Variants in GABRR2 observed in about 807,000 individuals in gnomAD.
GABRR2 encodes gamma-aminobutyric acid type A receptor subunit rho2, also known as gamma-aminobutyric acid receptor subunit rho-2.
A neutral mutation model predicts 47.0 loss-of-function variants in GABRR2; 36 were observed. That is an observed-to-expected ratio of 0.77 (90% CI 0.59 to 1.01). GABRR2 has a LOEUF of 1.01. Among genes scored for constraint, GABRR2 ranks in the 50% least tolerant of loss-of-function variants. GABRR2 has a pLI of 0.00. For synonymous variants in GABRR2, 204 were observed against 227.5 expected (o/e 0.90, Z 0.93); for missense variants, 587 against 594.6 (o/e 0.99, Z 0.13).
Position 89,264,469 on chromosome 6 carries a change from C to CG in GABRR2, c.1028dup (p.Ala344GlyfsTer40). On this transcript the variant is annotated frameshift_variant, in exon 8 of 9. Transcript: ENST00000402938. LOFTEE classifies it high-confidence loss of function. ...GCACGGTGGTCAGGTAGTTGACAGC[C>CG]GCATACTCCAGCACCGAGAGGAACA... is the stretch of plus-strand genomic sequence containing the variant. 6.2e-7 allele frequency: 1 copy of CG among 1,613,950 alleles called. No individual in the cohort carries two copies. The highest frequency in any genetic ancestry group is 2.2e-5 in the East Asian group (1 of 44,862).
intron 1 of GABRR2, among the ~76,000 whole-genome samples, chr6:89,303,802 C>T (rs1034195458): frequency 3.3e-5 from 5 of 152,116 alleles, no homozygotes; most frequent in African/African-American, 1.2e-4. Flanking sequence ...AGAAATAAGG[C>T]TACACACCCA....
At chr6:89,277,330 G>T (rs1774179258) in intron 2 of GABRR2, among the ~76,000 whole-genome samples, 4 of 152,178 alleles carry the variant, frequency 2.6e-5, no homozygotes. Flanking sequence ...AAGCCGTGCT[G>T]AACTGTGAGT....
chr6:89,284,976 T>C (rs1005528283), intron 2 of GABRR2, among the ~76,000 whole-genome samples: 5 of 152,216 alleles, frequency 3.3e-5, no homozygotes, highest in African/African-American at 1.2e-4. Flanking sequence ...CAAAATTCCC[T>C]GTCCACAGCC....
At chr6:89,282,357 G>A (rs989015692) in intron 2 of GABRR2, among the ~76,000 whole-genome samples, 3 of 152,152 alleles carry the variant, frequency 2.0e-5, no homozygotes, top group Non-Finnish European at 4.4e-5. Flanking sequence ...CTGTTCATTA[G>A]GAATTCCTCT....
intron 2 of GABRR2, among the ~76,000 whole-genome samples, chr6:89,285,008 C>T (rs1486837286): frequency 1.3e-5 from 2 of 152,210 alleles, no homozygotes; most frequent in South Asian, 2.1e-4. Flanking sequence ...CACACAGCCC[C>T]GTATCCCTCT....
At chr6:89,302,521 C>A in intron 1 of GABRR2, 1 of 805,660 alleles carries the variant, frequency 1.2e-6, no homozygotes, top group Non-Finnish European at 2.0e-6. Flanking sequence ...CAATGCGGAC[C>A]TGCACAAGCT....
At chr6:89,300,820 G>GGT (rs1767411126) in intron 1 of GABRR2, among the ~76,000 whole-genome samples, 1 of 146,572 alleles carries the variant, frequency 6.8e-6, no homozygotes, top group South Asian at 2.2e-4. Context: ...ACAAAGAACT[G>GGT]GTACCATTCC....
chr6:89,306,615 C>T (rs1767563350), intron 1 of GABRR2, among the ~76,000 whole-genome samples: 1 of 152,232 alleles, frequency 6.6e-6, no homozygotes, highest in Non-Finnish European at 1.5e-5. Flanking sequence ...GCCCAGGACA[C>T]AGCCCTGGTC....
rs568789397 is a variant in GABRR2 at position 89,271,035 on chromosome 6, A to C, written c.288+620T>G. The stretch of plus-strand genomic sequence containing the variant: ...TTTAGCTAAGTCCTGAAGGATAAGA[A>C]GGAGATAGCTATGGGGAGGGCCAGA... On this transcript the variant is annotated intron_variant, in intron 3 of 8. Transcript: ENST00000402938. 2.2e-4 allele frequency among the ~76,000 whole-genome samples: 33 copies of C among 152,326 alleles called. No individual in the cohort carries two copies. In the South Asian group the frequency reaches 3.9e-3, roughly 18 times the overall value.
chr6:89,284,573 C>T (rs778635262), intron 2 of GABRR2, among the ~76,000 whole-genome samples: 6 of 152,156 alleles, frequency 3.9e-5, no homozygotes, highest in African/African-American at 1.2e-4. Flanking sequence ...CAACTTAGCC[C>T]GCTGTTGGCT....
Position 89,268,034 on chromosome 6 carries a change from C to G in GABRR2, c.575G>C (p.Cys192Ser). 1.2e-6 allele frequency: 2 copies of G among 1,612,038 alleles called. No homozygotes were observed. The highest frequency in any genetic ancestry group is 1.7e-6 in the Non-Finnish European group (2 of 1,178,912). Residue 192 changes from cysteine to serine, a missense_variant, in exon 5 of 9, where the codon TGT becomes TCT. Cys to Ser is a moderately radical substitution (Grantham distance 112). Coordinates refer to ENST00000402938, the MANE Select transcript of GABRR2 (RefSeq NM_002043.5). ...CTTACAGCTCTCCAGCTCCAAAGAACAGGTCTGGGAGTCCAGGGGAAAGTG... is the reference window on the plus strand; with the variant it reads ...CTTACAGCTCTCCAGCTCCAAAGAAGAGGTCTGGGAGTCCAGGGGAAAGTG... ...FSHFPLDSQT[C>S]SLELESYAYT...
Position 89,267,730 on chromosome 6 carries a change from G to T in GABRR2, c.685C>A (p.Leu229Met). The change falls in exon 6 of 9, where the codon CTG (leucine) becomes ATG (methionine). Residue 229 changes from leucine to methionine, a missense_variant. Transcript: ENST00000402938. ...TDEKISLSQF[L>M]IQKFHTTSRL... Reference sequence around the variant, plus strand: ...GAAGTTGTGTGAAATTTCTGAATCAGAAACTGAGACAAGGAGATCTTCTCA... The same window carrying T: ...GAAGTTGTGTGAAATTTCTGAATCATAAACTGAGACAAGGAGATCTTCTCA... 1 of 1,613,966 alleles carries T rather than the reference G, an allele frequency of 6.2e-7. No individual in the cohort carries two copies.
chr6:89,292,820 CGT>C (rs1491393661), intron 2 of GABRR2, among the ~76,000 whole-genome samples: 260 of 13,656 alleles, frequency 0.019, 42 homozygotes, highest in East Asian at 0.053. Flanking sequence ...TACGATATAT[CGT>C]ATATATCGTA....
intron 1 of GABRR2, among the ~76,000 whole-genome samples, chr6:89,314,603 A>G (rs1270201882): frequency 6.6e-6 from 1 of 152,214 alleles, no homozygotes; most frequent in Non-Finnish European, 1.5e-5. Context: ...TCTGGCAAAT[A>G]ATTTAAGGAA....
intron 4 of GABRR2, 33 bp from the exon 5 acceptor site, chr6:89,268,129 C>T (rs2273508): frequency 0.13 from 195,042 of 1,536,946 alleles, 14,428 homozygotes; most frequent in East Asian, 0.42. Flanking sequence ...TTGGCTTGTG[C>T]GGTGAATTAT....
intron 1 of GABRR2, among the ~76,000 whole-genome samples, chr6:89,304,197 A>C (rs1247887966): frequency 6.6e-6 from 1 of 152,262 alleles, no homozygotes; most frequent in African/African-American, 2.4e-5. Context: ...TTTGCAAGCT[A>C]TGCATCTGAC....
intron 2 of GABRR2, among the ~76,000 whole-genome samples, chr6:89,291,351 T>G (rs1404591902): frequency 6.6e-6 from 1 of 152,182 alleles, no homozygotes; most frequent in Non-Finnish European, 1.5e-5. Flanking sequence ...AGACGCATCC[T>G]GTTGCTCCTT....
chr6:89,294,152 T>TTG (rs1475148529), intron 2 of GABRR2, among the ~76,000 whole-genome samples: 2 of 53,374 alleles, frequency 3.7e-5, no homozygotes, highest in African/African-American at 3.3e-4. Flanking sequence ...ACGATAATTT[T>TTG]TCGTTGTTTT....
At chr6:89,306,784 A>G (rs1488264826) in intron 1 of GABRR2, among the ~76,000 whole-genome samples, 1 of 106,440 alleles carries the variant, frequency 9.4e-6, no homozygotes, top group Non-Finnish European at 2.1e-5. Context: ...ATTACTAAAC[A>G]AAAAAAAAGA....
Sources: allele counts gnomAD v4.1 joint callset (sites outside exome capture counted in the v4.1 genomes callset), GRCh38; gene constraint gnomAD v4.1.1; transcripts MANE v1.5; gene names NCBI Gene and HGNC (gene_info 2026-07-23, HGNC 2026-07-21).